The following UBE2E1 variants were observed in gnomAD, a reference collection of about 807,000 sequenced individuals.
UBE2E1 encodes the protein ubiquitin-conjugating enzyme E2 E1.
Under a neutral mutation model 21.4 loss-of-function variants are expected in UBE2E1, and 6 were observed. The ratio of observed to expected loss-of-function variants is 0.28; its 90% CI spans 0.15 to 0.55. The LOEUF (loss-of-function observed/expected upper bound fraction) is 0.55. Among genes scored for constraint, UBE2E1 ranks in the 20% least tolerant of loss-of-function variants. The pLI is 0.93. For missense variants in UBE2E1, 142 were observed against 236.5 expected (o/e 0.60, Z 2.62); for synonymous variants, 87 against 82.7 (o/e 1.05, Z -0.28).
intron 3 of UBE2E1, among the ~76,000 whole-genome samples, chr3:23,822,415 G>A: frequency 6.6e-6 from 1 of 152,022 alleles, no homozygotes; most frequent in Non-Finnish European, 1.5e-5. Flanking sequence ...TAATTTTGTG[G>A]GGAGGATGGG....
In UBE2E1 at chr3:23,810,343, G is replaced by A; in HGVS notation, c.153-1117G>A. On this transcript the variant is annotated intron_variant, in intron 2 of 5. Transcript: ENST00000306627. The surrounding 1 kb of genome is among the most constrained non-coding windows in gnomAD (Gnocchi z 5.8). ...TAGGTAAGCAAAAGACAAAGGCCAG[G>A]GCTTGGTGTGAACTGCCTGGTGGCT... 1 of 1,253,526 alleles carries A rather than the reference G, an allele frequency of 8.0e-7. No homozygotes were observed. 77.7% of individuals were successfully genotyped at this position (1,253,526 alleles called of 1,614,324 possible). A position where few individuals can be genotyped will look rare whatever the true frequency, so the allele number is the denominator to read the frequency against.
chr3:23,848,098 T>C (rs1207568827), intron 3 of UBE2E1, among the ~76,000 whole-genome samples: 4 of 152,216 alleles, frequency 2.6e-5, no homozygotes, highest in Non-Finnish European at 5.9e-5. Context: ...AATAAACCTG[T>C]GCAGTAATTT....
rs1295138250 is a variant in UBE2E1 at position 23,834,652 on chromosome 3, C to T, written c.203+23142C>T. On this transcript the variant is annotated intron_variant, in intron 3 of 5. Transcript: ENST00000306627. ...GCTGAGATGGGAGGATTTCTTGACC[C>T]CAGGAGTTTGAGGCTGCAGTGGGCT... is the stretch of plus-strand genomic sequence containing the variant. Among the ~76,000 whole-genome samples the T allele has an allele frequency of 2.0e-5, 3 of 151,998 alleles. No homozygotes were observed. The East Asian group carries it at 5.8e-4, about 29-fold the overall frequency.
chr3:23,826,246 T>A (rs1699757447), intron 3 of UBE2E1, among the ~76,000 whole-genome samples: 1 of 152,202 alleles, frequency 6.6e-6, no homozygotes, highest in Non-Finnish European at 1.5e-5. Flanking sequence ...TTACCAAAAA[T>A]TGGTGCCTCA....
intron 3 of UBE2E1, among the ~76,000 whole-genome samples, chr3:23,831,710 T>C (rs868236470): frequency 7.9e-4 from 108 of 137,102 alleles, no homozygotes; most frequent in African/African-American, 1.6e-3. Flanking sequence ...TTTTTTTTTT[T>C]CTGTGAGACA....
intron 3 of UBE2E1, among the ~76,000 whole-genome samples, chr3:23,851,629 C>G (rs1206337767): frequency 6.6e-6 from 1 of 151,904 alleles, no homozygotes; most frequent in Non-Finnish European, 1.5e-5. Flanking sequence ...CAAAGTGAGA[C>G]CCTCTTCTCT....
intron 3 of UBE2E1, among the ~76,000 whole-genome samples, chr3:23,885,226 A>G (rs1701153393): frequency 6.6e-6 from 1 of 152,160 alleles, no homozygotes; most frequent in Admixed American, 6.5e-5. Context: ...AATCCTTTTC[A>G]TGAGGATTTC....
chr3:23,882,445 A>G (rs539466282), intron 3 of UBE2E1, among the ~76,000 whole-genome samples: 21 of 152,396 alleles, frequency 1.4e-4, no homozygotes, highest in African/African-American at 5.0e-4. Flanking sequence ...GTCCCCACTT[A>G]ACTCAGGAGC....
rs1699329823 is a variant in UBE2E1 at position 23,808,868 on chromosome 3, A to ACGTG, written c.152+1449_152+1452dup. The ACGTG allele has an allele frequency of 6.6e-6, 1 of 152,190 alleles. No individual in the cohort carries two copies. The highest frequency in any genetic ancestry group is 2.4e-5 in the African/African-American group (1 of 41,416). 9.4% of individuals were successfully genotyped at this position (152,190 alleles called of 1,614,324 possible). On this transcript the variant is annotated intron_variant, in intron 2 of 5. Coordinates refer to ENST00000306627, the MANE Select transcript of UBE2E1 (RefSeq NM_003341.5). This position sits in a 1 kb window ranked among gnomAD's most constrained non-coding sequence, Gnocchi z 4.9. ...TGATCCTCATTCACGTTTTGGCCTC[A>ACGTG]CGTGCTCAAGCCAGGATACTTGCTT...
At chr3:23,838,390 A>G (rs1173538789) in intron 3 of UBE2E1, among the ~76,000 whole-genome samples, 5 of 152,138 alleles carry the variant, frequency 3.3e-5, no homozygotes, top group African/African-American at 9.7e-5. Flanking sequence ...TAAACAGCAT[A>G]TAATTGGGAC....
intron 3 of UBE2E1, among the ~76,000 whole-genome samples, chr3:23,860,445 A>G (rs2125313172): frequency 6.6e-6 from 1 of 152,328 alleles, no homozygotes; most frequent in Admixed American, 6.5e-5. Context: ...AAACATCAAC[A>G]ATGACTTTAG....
At chr3:23,857,275 T>C (rs189669094) in intron 3 of UBE2E1, among the ~76,000 whole-genome samples, 329 of 151,986 alleles carry the variant, frequency 2.2e-3, no homozygotes, top group African/African-American at 7.6e-3. Flanking sequence ...CATAGGAAAG[T>C]TTGAACTTTT....
chr3:23,879,160 G>T, intron 3 of UBE2E1: 1 of 708,012 alleles, frequency 1.4e-6, no homozygotes, highest in Non-Finnish European at 2.3e-6. Flanking sequence ...ATTTTATGAA[G>T]TTAAGTTTTA....
chr3:23,821,398 A>G (rs184826843), intron 3 of UBE2E1, among the ~76,000 whole-genome samples: 2 of 152,352 alleles, frequency 1.3e-5, no homozygotes, highest in African/African-American at 4.8e-5. Flanking sequence ...GGGACAAGTC[A>G]GGTGATGCTG....
chr3:23,825,493 A>T (rs982187097), intron 3 of UBE2E1, among the ~76,000 whole-genome samples: 1 of 152,232 alleles, frequency 6.6e-6, no homozygotes, highest in Non-Finnish European at 1.5e-5. Context: ...GATTTTATTC[A>T]TATAGAGGGA....
intron 3 of UBE2E1, among the ~76,000 whole-genome samples, chr3:23,841,419 C>T (rs1171345067): frequency 6.6e-6 from 1 of 151,776 alleles, no homozygotes; most frequent in Non-Finnish European, 1.5e-5. Flanking sequence ...TCTTCTTACT[C>T]AGAATTAGAT....
In UBE2E1 at chr3:23,816,071, G is replaced by A. The variant is rs1033326572; in HGVS notation, c.203+4561G>A. Among the ~76,000 whole-genome samples the A allele has an allele frequency of 6.6e-6, 1 of 152,204 alleles. No individual in the cohort carries two copies. Among genetic ancestry groups the A allele is most frequent in the Non-Finnish European group, 1.5e-5 (1 of 68,026 alleles). On this transcript the variant is annotated intron_variant, in intron 3 of 5. Coordinates refer to ENST00000306627, the MANE Select transcript of UBE2E1 (RefSeq NM_003341.5). The surrounding 1 kb of genome is among the most constrained non-coding windows in gnomAD (Gnocchi z 4.8). ...TCTGGAGATGAATTGCCTTTCAAAT[G>A]AGCAGGAAGTCTTGTGGCGGTTGTG... is the stretch of plus-strand genomic sequence containing the variant.
In UBE2E1 at chr3:23,890,763, G is replaced by C; in HGVS notation, c.*157G>C. 1 of 605,644 alleles carries C rather than the reference G, an allele frequency of 1.7e-6. No individual in the cohort carries two copies. The highest frequency in any genetic ancestry group is 4.1e-5 in the South Asian group (1 of 24,536). The allele number at this position is 605,644 out of a possible 1,614,324, so 37.5% of individuals were successfully genotyped here. A position where few individuals can be genotyped will look rare whatever the true frequency, so the allele number is the denominator to read the frequency against. ...TTCCTAAGATTTTGTTGTAACTTAA[G>C]GTATCTTGCTACAGTAGACAGAATT... On this transcript the variant is annotated 3_prime_UTR_variant, in exon 6 of 6. Transcript: ENST00000306627.
intron 3 of UBE2E1, among the ~76,000 whole-genome samples, chr3:23,832,592 C>T (rs927388844): frequency 2.0e-5 from 3 of 152,012 alleles, no homozygotes; most frequent in Non-Finnish European, 2.9e-5. Flanking sequence ...TTGCAGTCAG[C>T]CGAGAGAGAA....
Sources: allele counts gnomAD v4.1 joint callset (sites outside exome capture counted in the v4.1 genomes callset), GRCh38; gene constraint gnomAD v4.1.1; non-coding constraint Gnocchi (gnomAD v3.1); transcripts MANE v1.5; gene names NCBI Gene and HGNC (gene_info 2026-07-23, HGNC 2026-07-21).